The following BMP8A variants were observed in gnomAD, a reference collection of about 807,000 sequenced individuals.
BMP8A encodes BMP-8A.
In BMP8A, 14 loss-of-function variants were observed where a neutral mutation model predicts 36.8. That is an observed-to-expected ratio of 0.38 (90% CI 0.25 to 0.60). The LOEUF is 0.60. Among genes scored for constraint, BMP8A ranks in the 20% least tolerant of loss-of-function variants. The pLI is 0.63. For missense variants in BMP8A, 267 were observed against 551.1 expected, an observed-to-expected ratio of 0.48 and a Z score of 5.16; for synonymous variants, 120 against 237.7, an observed-to-expected ratio of 0.50 and a Z score of 4.55.
rs34923451 is a variant in BMP8A at position 39,505,986 on chromosome 1, C to CAA, written c.335-5169_335-5168dup. On this transcript the variant is annotated intron_variant, in intron 1 of 6. Coordinates refer to ENST00000331593, the MANE Select transcript of BMP8A (RefSeq NM_181809.4). ...GGGTGACAGAGCAAGACCCTGTCTC[C>CAA]AAAAAAAAAAAAAAAAAAAAGTGTC... Among the ~76,000 whole-genome samples the CAA allele has an allele frequency of 1.9e-4, 25 of 133,230 alleles. 1 individual carries two copies. The highest frequency in any genetic ancestry group is 5.3e-4 in the African/African-American group (19 of 35,862). The allele number at this position is 133,230 out of a possible 152,430, so 87.4% of individuals were successfully genotyped here. A position where few individuals can be genotyped will look rare whatever the true frequency, so the allele number is the denominator to read the frequency against.
intron 3 of BMP8A, among the ~76,000 whole-genome samples, chr1:39,519,883 GAAC>G (rs1204055399): frequency 4.1e-5 from 5 of 122,680 alleles, no homozygotes; most frequent in Non-Finnish European, 8.6e-5. Context: ...CGTGTAAACT[GAAC>G]AACTGGCACT....
intron 5 of BMP8A, 102 bp downstream of exon 5, chr1:39,522,584 T>TATG (rs2124378680): frequency 1.5e-6 from 2 of 1,321,526 alleles, no homozygotes; most frequent in East Asian, 4.9e-5. Context: ...TCAATTTTCT[T>TATG]ATGTATTTTT....
intron 1 of BMP8A, among the ~76,000 whole-genome samples, chr1:39,492,553 G>T (rs188606553): frequency 6.6e-6 from 1 of 152,188 alleles, no homozygotes. Flanking sequence ...ACTCCCAGGC[G>T]CTGCCTTCAC....
At chr1:39,507,254 G>C (rs1251779724) in intron 1 of BMP8A, among the ~76,000 whole-genome samples, 1 of 152,188 alleles carries the variant, frequency 6.6e-6, no homozygotes, top group Non-Finnish European at 1.5e-5. Flanking sequence ...AATCTGACAG[G>C]GAGCCCTGGA....
chr1:39,518,158 T>C (rs969846866), intron 3 of BMP8A, among the ~76,000 whole-genome samples: 3 of 152,178 alleles, frequency 2.0e-5, no homozygotes, highest in Non-Finnish European at 4.4e-5. Context: ...AAGCCTGGCC[T>C]GGTGCATGCA....
At position 39,524,619 on chromosome 1, in the gene BMP8A, C is replaced by G. The variant is rs1458441129; in HGVS notation, c.1060-1030C>G. ...GGGAGGAGAGTGGAGGGAGGTGATG[C>G]CGGGGTGAGCCAGGCCAGCTCCCGT... On this transcript the variant is annotated intron_variant, in intron 6 of 6. Transcript: ENST00000331593. The surrounding 1 kb of genome is among the most constrained non-coding windows in gnomAD (Gnocchi z 4.0). 6.6e-6 allele frequency among the ~76,000 whole-genome samples: 1 copy of G among 151,896 alleles called. No homozygotes were observed. The highest frequency in any genetic ancestry group is 1.5e-5 in the Non-Finnish European group (1 of 67,934).
At chr1:39,507,425 A>C (rs1481671570) in intron 1 of BMP8A, among the ~76,000 whole-genome samples, 1 of 152,198 alleles carries the variant, frequency 6.6e-6, no homozygotes, top group African/African-American at 2.4e-5. Context: ...TATATTGAGG[A>C]CCTGTCTAGA....
Position 39,511,848 on chromosome 1 carries a change from GGT to G in BMP8A, c.618_619del (p.Trp206CysfsTer17). Reference sequence around the variant, plus strand: ...GATGTCACAGCAGCCAGTGACTGCTGGTTGCTGAAGCGTCACAAGGACCTGGG... The same window carrying G: ...GATGTCACAGCAGCCAGTGACTGCTGTGCTGAAGCGTCACAAGGACCTGGG... On this transcript the variant is annotated frameshift_variant, in exon 3 of 7. Coordinates refer to ENST00000331593, the MANE Select transcript of BMP8A (RefSeq NM_181809.4). LOFTEE classifies it high-confidence loss of function. 7.1e-7 allele frequency: 1 copy of G among 1,414,310 alleles called. No individual in the cohort carries two copies. The allele number at this position is 1,414,310 out of a possible 1,614,324, so 87.6% of individuals were successfully genotyped here. A position where few individuals can be genotyped will look rare whatever the true frequency, so the allele number is the denominator to read the frequency against.
At chr1:39,494,569 G>A (rs1230879887) in intron 1 of BMP8A, among the ~76,000 whole-genome samples, 1 of 151,850 alleles carries the variant, frequency 6.6e-6, no homozygotes, top group Non-Finnish European at 1.5e-5. Flanking sequence ...TGCCCAGACT[G>A]GTCTTGAACT....
In BMP8A at chr1:39,527,393, G is replaced by A. The variant is rs187648165; in HGVS notation, c.*1595G>A. On this transcript the variant is annotated 3_prime_UTR_variant, in exon 7 of 7. Transcript: ENST00000331593. ...GACAGAGTCCAGCTGCCCAAACCGT[G>A]TCATTAAAAGCAGATCCTGGGCCCG... is the stretch of plus-strand genomic sequence containing the variant. 1.4e-3 allele frequency among the ~76,000 whole-genome samples: 214 copies of A among 152,318 alleles called. No individual in the cohort carries two copies. The highest frequency in any genetic ancestry group is 2.2e-3 in the Non-Finnish European group (150 of 68,018).
intron 1 of BMP8A, among the ~76,000 whole-genome samples, chr1:39,497,934 C>G (rs1424208531): frequency 4.6e-5 from 7 of 152,188 alleles, no homozygotes; most frequent in African/African-American, 7.2e-5. Flanking sequence ...CCCCACAGGG[C>G]CCTGCCTGGA....
rs556635625 is a variant in BMP8A at position 39,527,457 on chromosome 1, T to C, written c.*1659T>C. On this transcript the variant is annotated 3_prime_UTR_variant, in exon 7 of 7. Transcript: ENST00000331593. ...CACAGCCTGGCAGAGTGGTTCCACC[T>C]CCCCATGGGCCCAAGGATGCGCCTC... 1.3e-5 allele frequency among the ~76,000 whole-genome samples: 2 copies of C among 152,278 alleles called. No individual in the cohort carries two copies. The highest frequency in any genetic ancestry group is 2.9e-5 in the Non-Finnish European group (2 of 68,010).
At chr1:39,501,664 A>G (rs566718039) in intron 1 of BMP8A, among the ~76,000 whole-genome samples, 3 of 152,240 alleles carry the variant, frequency 2.0e-5, no homozygotes, top group Admixed American at 2.0e-4. Flanking sequence ...GGGCCTCCCT[A>G]TGTTGCCCAG....
At chr1:39,498,250 G>A (rs1645222649) in intron 1 of BMP8A, among the ~76,000 whole-genome samples, 1 of 152,204 alleles carries the variant, frequency 6.6e-6, no homozygotes, top group Admixed American at 6.5e-5. Flanking sequence ...TGAGGCACAG[G>A]GTGGGGAGGT....
intron 1 of BMP8A, among the ~76,000 whole-genome samples, chr1:39,493,257 C>G (rs1645177695): frequency 6.6e-6 from 1 of 152,202 alleles, no homozygotes. Context: ...CCACCAGCCT[C>G]CCTCCACAGA....
chr1:39,491,749 C>T lies in BMP8A; in HGVS notation c.-243C>T, dbSNP rs996385454. 1.1e-4 allele frequency: 21 copies of T among 184,276 alleles called. No individual in the cohort carries two copies. The highest frequency in any genetic ancestry group is 1.9e-4 in the South Asian group (1 of 5,288). The allele number at this position is 184,276 out of a possible 1,614,324, so 11.4% of individuals were successfully genotyped here. ...CAGACGGATTGGCTGACAGTCCCAG[C>T]CCTCAGAACAGCCCCGGCCTCGAAG... On this transcript the variant is annotated 5_prime_UTR_variant, in exon 1 of 7. Transcript: ENST00000331593.
chr1:39,507,146 T>G (rs1009508116), intron 1 of BMP8A, among the ~76,000 whole-genome samples: 2 of 152,150 alleles, frequency 1.3e-5, no homozygotes, highest in Admixed American at 1.3e-4. Context: ...AGGGCCACCA[T>G]AGAGAGAGGA....
In BMP8A at chr1:39,529,598, C is replaced by T. The variant is rs1008442723; in HGVS notation, c.*3800C>T. 6.6e-5 allele frequency among the ~76,000 whole-genome samples: 10 copies of T among 152,154 alleles called. No homozygotes were observed. Among genetic ancestry groups the T allele is most frequent in the African/African-American group, 1.9e-4 (8 of 41,430 alleles). On this transcript the variant is annotated 3_prime_UTR_variant, in exon 7 of 7. Coordinates refer to ENST00000331593, the MANE Select transcript of BMP8A (RefSeq NM_181809.4). ...GCTTTTTAAAAAAAATTTTTTCTCA[C>T]GTAAGAAAATGTTATCTGTGTGCTG...
At chr1:39,500,648 G>A (rs949657030) in intron 1 of BMP8A, among the ~76,000 whole-genome samples, 3 of 147,346 alleles carry the variant, frequency 2.0e-5, no homozygotes, top group South Asian at 2.1e-4. Context: ...AAAAAAAAAA[G>A]AGGTTTATTT....
Sources: gnomAD v4.1 joint callset for allele counts (sites outside exome capture counted in the v4.1 genomes callset) on GRCh38, gnomAD v4.1.1 for gene constraint, Gnocchi (gnomAD v3.1) non-coding constraint, MANE v1.5 for transcripts, NCBI Gene and HGNC (gene_info 2026-07-23, HGNC 2026-07-21) for gene names.